PPP1R9A: variants seen among roughly 807,000 people sequenced by gnomAD.
PPP1R9A encodes protein phosphatase 1 regulatory subunit 9A, also known as neurabin-1.
PPP1R9A carries 59 observed loss-of-function variants against 141.9 expected under a neutral mutation model. That is an observed-to-expected ratio of 0.42 (90% confidence interval 0.34 to 0.52). The LOEUF is 0.52. PPP1R9A is among the 20% of genes least tolerant of loss of function. The pLI is 0.10. For synonymous variants in PPP1R9A, 500 were observed against 569.7 expected (o/e 0.88, Z 1.74); for missense variants, 1,444 against 1,611.9 (o/e 0.90, Z 1.78).
intron 2 of PPP1R9A, among the ~76,000 whole-genome samples, chr7:95,057,098 A>G (rs553852802): frequency 6.6e-6 from 1 of 152,276 alleles, no homozygotes; most frequent in South Asian, 2.1e-4. Flanking sequence ...CAGAAGCCTC[A>G]TTAGGGAATA....
intron 12 of PPP1R9A, among the ~76,000 whole-genome samples, chr7:95,262,949 A>G (rs1800658099): frequency 6.6e-6 from 1 of 152,122 alleles, no homozygotes. Flanking sequence ...TCTTCCCCAT[A>G]CAATACTAAA....
intron 4 of PPP1R9A, among the ~76,000 whole-genome samples, chr7:95,153,658 C>T (rs1290880518): frequency 6.6e-6 from 1 of 152,154 alleles, no homozygotes; most frequent in Non-Finnish European, 1.5e-5. Context: ...TATATTGGTA[C>T]ATATTTATGT....
chr7:95,090,855 T>C (rs1159638820), intron 2 of PPP1R9A, among the ~76,000 whole-genome samples: 1 of 151,970 alleles, frequency 6.6e-6, no homozygotes, highest in East Asian at 1.9e-4. Context: ...CATCCAGAAA[T>C]TATGATGTCT....
intron 7 of PPP1R9A, among the ~76,000 whole-genome samples, chr7:95,212,016 G>A (rs1792248330): frequency 6.6e-6 from 1 of 151,886 alleles, no homozygotes; most frequent in African/African-American, 2.4e-5. Context: ...AAAAAGTTTG[G>A]GATGGCAAAC....
At chr7:95,203,548 T>C in intron 6 of PPP1R9A, 117 bp from the exon 7 acceptor site, 1 of 681,064 alleles carries the variant, frequency 1.5e-6, no homozygotes, top group Non-Finnish European at 2.4e-6. Context: ...ATTGTCTTAG[T>C]ACTTAACAGT....
At chr7:95,283,617 G>A (rs532501630) in intron 16 of PPP1R9A, among the ~76,000 whole-genome samples, 1 of 152,254 alleles carries the variant, frequency 6.6e-6, no homozygotes, top group African/African-American at 2.4e-5. Context: ...CAAGTCCAGA[G>A]GAAGACAGGA....
At chr7:95,138,884 C>G (rs1826140761) in intron 4 of PPP1R9A, among the ~76,000 whole-genome samples, 2 of 152,162 alleles carry the variant, frequency 1.3e-5, no homozygotes, top group Non-Finnish European at 2.9e-5. Context: ...GTGAAACGCT[C>G]CCTTATGGCT....
intron 4 of PPP1R9A, among the ~76,000 whole-genome samples, chr7:95,146,502 TA>T (rs1283162933): frequency 1.3e-5 from 2 of 152,204 alleles, no homozygotes; most frequent in African/African-American, 4.8e-5. Flanking sequence ...TTAGTTTAAT[TA>T]GATCCCATTT....
At chr7:95,097,968 C>A (rs1283794450) in intron 2 of PPP1R9A, among the ~76,000 whole-genome samples, 1 of 152,316 alleles carries the variant, frequency 6.6e-6, no homozygotes, top group South Asian at 2.1e-4. Flanking sequence ...GGCTGGAAGC[C>A]TCAAGCATAA....
In PPP1R9A at chr7:95,269,313, C is replaced by G. The variant is rs761328436; in HGVS notation, c.2930C>G (p.Pro977Arg). 1 of 1,598,014 alleles carries G rather than the reference C, an allele frequency of 6.3e-7. No individual in the cohort carries two copies. Among genetic ancestry groups the G allele is most frequent in the South Asian group, 1.1e-5 (1 of 90,898 alleles). The change falls in exon 14 of 20, where the codon CCG becomes CGG. Residue 977 changes from proline to arginine, a missense_variant. Transcript: ENST00000433360. ...ESDSGVPPLT[P>R]VDSNVPFSSD... ...GATTCTGGTGTTCCACCCCTCACCC[C>G]GGTGGATAGCAATGTGCCCTTCTCG... is the stretch of plus-strand genomic sequence containing the variant.
chr7:95,252,409 G>A (rs937180213), intron 12 of PPP1R9A, among the ~76,000 whole-genome samples: 2 of 149,388 alleles, frequency 1.3e-5, no homozygotes, highest in African/African-American at 4.9e-5. Context: ...CTTACAAATT[G>A]TAGTTCATCC....
At chr7:94,931,740 G>A (rs761669624) in intron 2 of PPP1R9A, among the ~76,000 whole-genome samples, 96 of 152,190 alleles carry the variant, frequency 6.3e-4, no homozygotes, top group Non-Finnish European at 1.2e-3. Context: ...CACTACATCC[G>A]GCTAATTTCG....
chr7:95,216,729 A>G (rs1014920745), intron 7 of PPP1R9A, among the ~76,000 whole-genome samples: 3 of 152,162 alleles, frequency 2.0e-5, no homozygotes, highest in African/African-American at 7.2e-5. Flanking sequence ...CTTTGAACCA[A>G]TTGTGAAAGG....
chr7:94,968,393 C>T (rs894009840), intron 2 of PPP1R9A, among the ~76,000 whole-genome samples: 21 of 152,216 alleles, frequency 1.4e-4, no homozygotes, highest in East Asian at 1.2e-3. Flanking sequence ...GGGATGGTCT[C>T]GATCTCCTGA....
chr7:95,086,493 G>C (rs766684190), intron 2 of PPP1R9A, among the ~76,000 whole-genome samples: 9 of 151,968 alleles, frequency 5.9e-5, no homozygotes, highest in Non-Finnish European at 1.3e-4. Flanking sequence ...GTTTTAGTCT[G>C]TTGCCTTTTT....
intron 5 of PPP1R9A, among the ~76,000 whole-genome samples, chr7:95,168,452 A>G (rs1047640104): frequency 2.6e-5 from 4 of 152,048 alleles, no homozygotes; most frequent in Non-Finnish European, 4.4e-5. Flanking sequence ...AGAAGGAAGC[A>G]TAGAGGAAAC....
chr7:95,189,949 T>C (rs1234473), intron 5 of PPP1R9A, among the ~76,000 whole-genome samples: 42,719 of 151,936 alleles, frequency 0.28, 7,374 homozygotes, highest in Middle Eastern at 0.43. Context: ...TTCATCCATA[T>C]ACTGTATTTT....
At chr7:95,166,490 A>G (rs1412399438) in intron 5 of PPP1R9A, among the ~76,000 whole-genome samples, 1 of 152,254 alleles carries the variant, frequency 6.6e-6, no homozygotes, top group Non-Finnish European at 1.5e-5. Context: ...GAACAGACCA[A>G]TAATGAGTAA....
At chr7:95,031,382 T>G (rs1441001252) in intron 2 of PPP1R9A, among the ~76,000 whole-genome samples, 2 of 152,220 alleles carry the variant, frequency 1.3e-5, no homozygotes, top group African/African-American at 4.8e-5. Flanking sequence ...CTATTTGGAA[T>G]CCTTTCATAA....
Sources: allele counts gnomAD v4.1 joint callset (sites outside exome capture counted in the v4.1 genomes callset), GRCh38; gene constraint gnomAD v4.1.1; transcripts MANE v1.5; gene names NCBI Gene and HGNC (gene_info 2026-07-23, HGNC 2026-07-21).